CLMP: variants seen among roughly 807,000 people sequenced by gnomAD.
CLMP encodes CXADR-like membrane protein.
A neutral mutation model predicts 45.2 loss-of-function variants in CLMP; 27 were observed. The observed-to-expected ratio is 0.60, with a 90% CI of 0.44 to 0.82. The LOEUF (loss-of-function observed/expected upper bound fraction) is 0.82, where lower values mean the gene tolerates loss of function less well. CLMP is among the 40% of genes least tolerant of loss of function. CLMP has a pLI of 0.00. For synonymous variants in CLMP, 167 were observed against 171.4 expected (o/e 0.97, Z 0.20); for missense variants, 403 against 448.4 (o/e 0.90, Z 0.91).
intron 3 of CLMP, 61 bp downstream of exon 3, chr11:123,084,451 C>T: frequency 7.3e-7 from 1 of 1,376,770 alleles, no homozygotes. Context: ...ATGCATATGG[C>T]TATCCCTCTT....
chr11:123,102,082 G>T (rs893776762), intron 1 of CLMP, among the ~76,000 whole-genome samples: 1 of 152,000 alleles, frequency 6.6e-6, no homozygotes, highest in Non-Finnish European at 1.5e-5. Flanking sequence ...TACTTGGGGG[G>T]CTGAGGTGGG....
intron 1 of CLMP, among the ~76,000 whole-genome samples, chr11:123,133,333 G>T (rs536782084): frequency 6.6e-6 from 1 of 152,092 alleles, no homozygotes; most frequent in Non-Finnish European, 1.5e-5. Flanking sequence ...GCTTACTCCA[G>T]TTTTATTAAG....
chr11:123,095,295 T>G (rs966655321), intron 2 of CLMP, among the ~76,000 whole-genome samples: 32 of 127,658 alleles, frequency 2.5e-4, no homozygotes, highest in African/African-American at 1.2e-3. Context: ...AATTATCCAG[T>G]GAAACTTTTT....
At chr11:123,121,126 CAA>C (rs760887619) in intron 1 of CLMP, among the ~76,000 whole-genome samples, 14 of 65,348 alleles carry the variant, frequency 2.1e-4, no homozygotes, top group Non-Finnish European at 1.9e-4. Flanking sequence ...GACTCCGTCT[CAA>C]AAAAAAAAAA....
chr11:123,164,291 T>C (rs1034067784), intron 1 of CLMP, among the ~76,000 whole-genome samples: 1 of 152,106 alleles, frequency 6.6e-6, no homozygotes, highest in Non-Finnish European at 1.5e-5. Context: ...TTGATTTAGT[T>C]ATTGTTATTT....
chr11:123,161,996 A>G (rs149820051), intron 1 of CLMP, among the ~76,000 whole-genome samples: 1 of 152,356 alleles, frequency 6.6e-6, no homozygotes, highest in Non-Finnish European at 1.5e-5. Flanking sequence ...ATGTGGAGCT[A>G]GGATTGAGAA....
intron 1 of CLMP, among the ~76,000 whole-genome samples, chr11:123,142,792 AATTTTTTGT>A (rs1180149719): frequency 6.9e-6 from 1 of 144,376 alleles, no homozygotes; most frequent in Non-Finnish European, 1.5e-5. Context: ...GCGCCCGGCT[AATTTTTTGT>A]ATTTTTAGTA....
chr11:123,074,609 T>G, intron 6 of CLMP, 93 bp downstream of exon 6: 1 of 1,302,014 alleles, frequency 7.7e-7, no homozygotes, highest in Non-Finnish European at 1.1e-6. Context: ...GATTCATGGT[T>G]AAGAGAAAAC....
rs1860607753 is a variant in CLMP at position 123,109,402 on chromosome 11, T to TC, written c.29-11451_29-11450insG. On this transcript the variant is annotated intron_variant, in intron 1 of 6. Transcript: ENST00000448775. ...CCGTGAGAGCCAATGTTATCAACTC[T>TC]TTTAGAGAAGAGAAGACTGAGGATG... Among the ~76,000 whole-genome samples the TC allele has an allele frequency of 2.6e-5, 4 of 151,820 alleles. No individual in the cohort carries two copies. The South Asian group carries it at 8.3e-4, about 31-fold the overall frequency.
At chr11:123,114,231 T>G (rs1860687136) in intron 1 of CLMP, among the ~76,000 whole-genome samples, 1 of 152,214 alleles carries the variant, frequency 6.6e-6, no homozygotes, top group African/African-American at 2.4e-5. Context: ...GAGATTATGT[T>G]GATAATTAAA....
chr11:123,191,299 G>A (rs143069527), intron 1 of CLMP: 2 of 152,218 alleles, frequency 1.3e-5, no homozygotes, highest in East Asian at 3.9e-4. Flanking sequence ...GACAAAAATA[G>A]GATATGACTA....
At chr11:123,184,173 C>G (rs560723758) in intron 1 of CLMP, among the ~76,000 whole-genome samples, 10 of 152,152 alleles carry the variant, frequency 6.6e-5, no homozygotes, top group Non-Finnish European at 1.3e-4. Flanking sequence ...CAGCTCACTG[C>G]AACCTCTGCC....
chr11:123,106,520 C>T (rs1197318400), intron 1 of CLMP, among the ~76,000 whole-genome samples: 1 of 151,816 alleles, frequency 6.6e-6, no homozygotes, highest in Non-Finnish European at 1.5e-5. Flanking sequence ...AGAGGATGAG[C>T]TTTGGAGTCT....
intron 1 of CLMP, among the ~76,000 whole-genome samples, chr11:123,117,155 A>T (rs1860730967): frequency 6.6e-6 from 1 of 152,170 alleles, no homozygotes; most frequent in African/African-American, 2.4e-5. Context: ...CTAATTTCAC[A>T]GTATTATCTG....
intron 1 of CLMP, among the ~76,000 whole-genome samples, chr11:123,115,383 C>T (rs1457445691): frequency 6.6e-6 from 1 of 152,062 alleles, no homozygotes; most frequent in Non-Finnish European, 1.5e-5. Context: ...TTTACTTAGA[C>T]TCCCATTTTT....
Position 123,137,008 on chromosome 11 carries a change from G to T in CLMP, c.29-39056C>A, listed in dbSNP as rs545381549. Among the ~76,000 whole-genome samples, 16 of 152,088 alleles carry T rather than the reference G, an allele frequency of 1.1e-4. No individual in the cohort carries two copies. The South Asian group carries it at 1.2e-3, about 12-fold the overall frequency. ...AAGGTTTGTCCTCATTCCAAACTGG[G>T]TATGTAAACCTCCCATGTCCAGTTT... On this transcript the variant is annotated intron_variant, in intron 1 of 6. Transcript: ENST00000448775.
At chr11:123,146,724 G>A (rs535964451) in intron 1 of CLMP, among the ~76,000 whole-genome samples, 25 of 151,908 alleles carry the variant, frequency 1.6e-4, no homozygotes, top group Admixed American at 3.3e-4. Context: ...CAGTTCCCCT[G>A]GTATCATTGT....
chr11:123,141,909 G>A (rs968408086), intron 1 of CLMP, among the ~76,000 whole-genome samples: 1 of 151,262 alleles, frequency 6.6e-6, no homozygotes, highest in Non-Finnish European at 1.5e-5. Context: ...CCTCTCCACT[G>A]TGGCCCCAGC....
intron 1 of CLMP, among the ~76,000 whole-genome samples, chr11:123,133,909 C>T (rs577688979): frequency 6.6e-6 from 1 of 152,220 alleles, no homozygotes; most frequent in East Asian, 1.9e-4. Flanking sequence ...AAAAACATGT[C>T]TAACTATTTT....
Sources: allele counts gnomAD v4.1 joint callset (sites outside exome capture counted in the v4.1 genomes callset), GRCh38; gene constraint gnomAD v4.1.1; transcripts MANE v1.5; gene names NCBI Gene and HGNC (gene_info 2026-07-23, HGNC 2026-07-21).